The following USP32 variants were observed in gnomAD, a reference collection of about 807,000 sequenced individuals.
The protein encoded by USP32 is ubiquitin specific peptidase 32, also known as ubiquitin carboxyl-terminal hydrolase 32.
A neutral mutation model predicts 204.8 loss-of-function variants in USP32; 59 were observed. The ratio of observed to expected loss-of-function variants is 0.29; its 90% CI spans 0.23 to 0.36. The LOEUF (loss-of-function observed/expected upper bound fraction) is 0.36. Among genes scored for constraint, USP32 ranks in the 10% least tolerant of loss-of-function variants. The pLI is 1.00. For missense variants in USP32, 1,160 were observed against 1,946.4 expected (o/e 0.60, Z 7.60); for synonymous variants, 517 against 678.4 (o/e 0.76, Z 3.70).
chr17:60,411,013 C>T (rs1433319465), intron 1 of USP32, among the ~76,000 whole-genome samples: 1 of 129,410 alleles, frequency 7.7e-6, no homozygotes, highest in Admixed American at 7.9e-5. Context: ...TTCACCTCTA[C>T]AAAAAAAAAA....
At chr17:60,342,420 A>G (rs1420358218) in intron 2 of USP32, among the ~76,000 whole-genome samples, 1 of 152,248 alleles carries the variant, frequency 6.6e-6, no homozygotes, top group Non-Finnish European at 1.5e-5. Context: ...CCGTTCTCAG[A>G]GCTCAAATGC....
chr17:60,184,187 C>A (rs765249922), intron 30 of USP32, among the ~76,000 whole-genome samples: 1 of 151,570 alleles, frequency 6.6e-6, no homozygotes, highest in South Asian at 2.1e-4. Flanking sequence ...TGGTGGTGGG[C>A]GCCTGTAGTC....
intron 21 of USP32, 65 bp downstream of exon 21, chr17:60,210,948 G>A: frequency 6.6e-7 from 1 of 1,524,754 alleles, no homozygotes. Context: ...CAAAAAACAA[G>A]CAGAGAAAAA....
At chr17:60,239,129 C>G (rs1012309062) in intron 11 of USP32, among the ~76,000 whole-genome samples, 2 of 152,126 alleles carry the variant, frequency 1.3e-5, no homozygotes, top group African/African-American at 4.8e-5. Flanking sequence ...TTTTCCCCCA[C>G]TTTCAGTTCT....
At chr17:60,184,809 C>CAAAAA (rs35566339) in intron 30 of USP32, among the ~76,000 whole-genome samples, 1 of 78,504 alleles carries the variant, frequency 1.3e-5, no homozygotes, top group Non-Finnish European at 3.1e-5. Flanking sequence ...GACCCTGTCT[C>CAAAAA]AAAAAAAAAA....
intron 2 of USP32, among the ~76,000 whole-genome samples, chr17:60,316,540 A>C (rs2087982904): frequency 6.6e-6 from 1 of 151,992 alleles, no homozygotes; most frequent in African/African-American, 2.4e-5. Context: ...TTGTTCCTGT[A>C]ACTACAAAAA....
intron 1 of USP32, among the ~76,000 whole-genome samples, chr17:60,358,567 C>A (rs188183001): frequency 6.6e-6 from 1 of 150,578 alleles, no homozygotes; most frequent in Non-Finnish European, 1.5e-5. Flanking sequence ...GAGGGAGACT[C>A]TGTCTCAAAA....
intron 12 of USP32, among the ~76,000 whole-genome samples, chr17:60,234,349 G>A (rs1234176227): frequency 1.3e-5 from 2 of 150,902 alleles, no homozygotes; most frequent in Non-Finnish European, 3.0e-5. Context: ...TCCCGACCTC[G>A]TGATCCGCCC....
chr17:60,211,163 T>C (rs2084957610), intron 20 of USP32, 45 bp from the exon 21 acceptor site: 1 of 1,599,996 alleles, frequency 6.3e-7, no homozygotes, highest in Non-Finnish European at 8.5e-7. Flanking sequence ...TTCTCATAAA[T>C]CACAATCATG....
chr17:60,277,886 T>A (rs1368026874), intron 5 of USP32, among the ~76,000 whole-genome samples: 3 of 139,564 alleles, frequency 2.1e-5, no homozygotes, highest in African/African-American at 9.9e-5. Context: ...CAAAAGAATA[T>A]GACTATTAAA....
At chr17:60,213,260 CA>C (rs973995029) in intron 18 of USP32, among the ~76,000 whole-genome samples, 19 of 152,112 alleles carry the variant, frequency 1.2e-4, no homozygotes, top group Non-Finnish European at 2.9e-5. Flanking sequence ...TACTCAAACT[CA>C]AAGCAGCAAC....
chr17:60,252,506 G>T, intron 10 of USP32, 64 bp from the exon 11 acceptor site: 1 of 1,228,102 alleles, frequency 8.1e-7, no homozygotes, highest in Non-Finnish European at 1.1e-6. Context: ...ATCTGCATGA[G>T]ACCCATTTCC....
chr17:60,422,228 T>G, intron 1 of USP32: 1 of 310,096 alleles, frequency 3.2e-6, no homozygotes, highest in Non-Finnish European at 6.1e-6. Flanking sequence ...TGCAGGAAAA[T>G]GAGTTCAACA....
intron 12 of USP32, among the ~76,000 whole-genome samples, chr17:60,228,750 G>C (rs150203053): frequency 5.3e-4 from 80 of 152,124 alleles, no homozygotes; most frequent in African/African-American, 1.8e-3. Flanking sequence ...CCTCAACCCA[G>C]GGGGTGGAGG....
At chr17:60,276,946 C>CATATATATATAT (rs35211470) in intron 5 of USP32, among the ~76,000 whole-genome samples, 66 of 140,758 alleles carry the variant, frequency 4.7e-4, no homozygotes, top group African/African-American at 1.8e-3. Context: ...ATTACATATA[C>CATATATATATAT]ATATATATAT....
At chr17:60,316,250 C>CAA (rs139834899) in intron 2 of USP32, 18 of 143,538 alleles carry the variant, frequency 1.3e-4, no homozygotes, top group East Asian at 2.0e-4. Flanking sequence ...ATTTCATTCT[C>CAA]AAAAAAAAAA....
intron 2 of USP32, among the ~76,000 whole-genome samples, chr17:60,328,001 A>G (rs2088286983): frequency 6.6e-6 from 1 of 152,236 alleles, no homozygotes; most frequent in South Asian, 2.1e-4. Context: ...CCTTGGCAGG[A>G]GCAGCCTGGG....
At chr17:60,392,566 C>G (rs2089861364), upstream of USP32, 1 of 427,506 alleles carries the variant, frequency 2.3e-6, no homozygotes, top group South Asian at 1.6e-5. Context: ...TTGCCGGGAC[C>G]TAACATGGAA....
In USP32 at chr17:60,269,239, AG is replaced by A. The variant is rs141140280; in HGVS notation, c.811+210del. Among the ~76,000 whole-genome samples, 988 of 152,334 alleles carry A rather than the reference AG, an allele frequency of 6.5e-3. 10 individuals carry two copies. The highest frequency in any genetic ancestry group is 0.022 in the African/African-American group (910 of 41,568). On this transcript the variant is annotated intron_variant, in intron 7 of 33. Transcript: ENST00000300896. The stretch of plus-strand genomic sequence containing the variant: ...CAGGAAAATCAACTCCATTGTTAAT[AG>A]CAAATATCCCAAACTATTCCATAGT...
Sources: gnomAD v4.1 joint callset for allele counts (sites outside exome capture counted in the v4.1 genomes callset) on GRCh38, gnomAD v4.1.1 for gene constraint, MANE v1.5 for transcripts, NCBI Gene and HGNC (gene_info 2026-07-23, HGNC 2026-07-21) for gene names.